LRP1B: variants seen among roughly 807,000 people sequenced by gnomAD.
LRP1B encodes the protein low-density lipoprotein receptor-related protein 1B.
A neutral mutation model predicts 556.6 loss-of-function variants in LRP1B; 217 were observed. The observed-to-expected ratio is 0.39, with a 90% CI of 0.35 to 0.44. LRP1B has a LOEUF of 0.44. Ranked by LOEUF, LRP1B falls within the 20% of genes least tolerant of loss-of-function variation. The pLI, the probability that LRP1B is intolerant of heterozygous loss-of-function variation, is 1.00. For synonymous variants in LRP1B, 2,047 were observed against 1,865.8 expected (o/e 1.10, Z -2.50); for missense variants, 5,053 against 5,620.8 (o/e 0.90, Z 3.23).
intron 1 of LRP1B, among the ~76,000 whole-genome samples, chr2:141,869,466 C>T (rs1253432643): frequency 6.6e-6 from 1 of 151,864 alleles, no homozygotes; most frequent in African/African-American, 2.4e-5. Flanking sequence ...AAAATTAAAT[C>T]GATACTAATA....
At chr2:140,293,587 C>T (rs80232813) in intron 84 of LRP1B, among the ~76,000 whole-genome samples, 3,102 of 152,200 alleles carry the variant, frequency 0.02, 38 homozygotes, top group African/African-American at 0.028. Context: ...CTGTAATGAA[C>T]CATTCTGTCA....
At chr2:141,991,151 C>A (rs796614886) in intron 1 of LRP1B, among the ~76,000 whole-genome samples, 10 of 152,102 alleles carry the variant, frequency 6.6e-5, no homozygotes, top group African/African-American at 2.4e-4. Flanking sequence ...CACATGAAAT[C>A]TTTTACTGTG....
chr2:140,911,529 G>C (rs1039606732), intron 21 of LRP1B, among the ~76,000 whole-genome samples: 1 of 151,750 alleles, frequency 6.6e-6, no homozygotes. Context: ...AAAATTATAT[G>C]TTGAATTTAC....
intron 1 of LRP1B, among the ~76,000 whole-genome samples, chr2:141,890,314 G>T (rs12995397): frequency 0.52 from 64,238 of 124,436 alleles, 15,337 homozygotes; most frequent in Middle Eastern, 0.59. Flanking sequence ...CACAGGTAAG[G>T]GCACAATACA....
chr2:142,034,451 A>G (rs1703807596), intron 1 of LRP1B, among the ~76,000 whole-genome samples: 1 of 151,620 alleles, frequency 6.6e-6, no homozygotes, highest in African/African-American at 2.4e-5. Context: ...CTCTGCACAT[A>G]ATGCCTTTTT....
chr2:140,484,365 C>A (rs960701119), intron 59 of LRP1B, among the ~76,000 whole-genome samples: 1 of 152,026 alleles, frequency 6.6e-6, no homozygotes, highest in East Asian at 1.9e-4. Context: ...GATACATTAA[C>A]GAGAAGCAAA....
chr2:140,359,677 C>T (rs1233566018), intron 72 of LRP1B, among the ~76,000 whole-genome samples: 10 of 151,526 alleles, frequency 6.6e-5, no homozygotes, highest in Non-Finnish European at 7.4e-5. Flanking sequence ...GAATTATTTG[C>T]TTAGTTATGT....
At chr2:142,045,250 T>C (rs1279343342) in intron 1 of LRP1B, among the ~76,000 whole-genome samples, 1 of 151,780 alleles carries the variant, frequency 6.6e-6, no homozygotes, top group African/African-American at 2.4e-5. Context: ...GATTGTCTTT[T>C]AGATTTCTAC....
intron 1 of LRP1B, among the ~76,000 whole-genome samples, chr2:142,058,336 C>A (rs1704756456): frequency 6.6e-6 from 1 of 152,046 alleles, no homozygotes; most frequent in African/African-American, 2.4e-5. Context: ...ACACTAATCC[C>A]ACATTCAACA....
At chr2:140,701,682 T>C in intron 40 of LRP1B, 39 bp downstream of exon 40, 1 of 1,559,900 alleles carries the variant, frequency 6.4e-7, no homozygotes, top group Non-Finnish European at 8.7e-7. Context: ...AGAAATCACA[T>C]AAAATATACA....
At position 140,700,305 on chromosome 2, in the gene LRP1B, A is replaced by G. The variant is rs759222183; in HGVS notation, c.6744T>C (p.Phe2248=). The change falls in exon 41 of 91, where the codon TTT becomes TTC. Residue 2248 remains phenylalanine, a synonymous_variant. Transcript: ENST00000389484. ...TGTCTTTAATAAGCTGTATATTTCCAAAGTGTGCATCACTGTAAAAGATTC... is the reference window on the plus strand; with the variant it reads ...TGTCTTTAATAAGCTGTATATTTCCGAAGTGTGCATCACTGTAAAAGATTC... ...TNRIFYSDAH[F]GNIQLIKDNW... The G allele has an allele frequency of 5.0e-6, 8 of 1,612,608 alleles. No homozygotes were observed. In the East Asian group the frequency reaches 1.1e-4, roughly 22 times the overall value.
At chr2:140,686,111 T>C (rs757370566) in intron 41 of LRP1B, among the ~76,000 whole-genome samples, 2 of 152,052 alleles carry the variant, frequency 1.3e-5, no homozygotes. Flanking sequence ...AGTAAACATG[T>C]GGTTAAGAAA....
intron 2 of LRP1B, among the ~76,000 whole-genome samples, chr2:141,556,827 G>C (rs150710146): frequency 0.011 from 1,648 of 151,856 alleles, 14 homozygotes; most frequent in Middle Eastern, 0.017. Context: ...CTGTTTTAGA[G>C]ATAAGAAAAG....
intron 1 of LRP1B, among the ~76,000 whole-genome samples, chr2:142,036,956 G>A (rs1703902399): frequency 6.6e-6 from 1 of 151,642 alleles, no homozygotes; most frequent in Non-Finnish European, 1.5e-5. Context: ...AAATTATAAG[G>A]ATGCATTGAT....
At chr2:141,700,208 A>T (rs1691890245) in intron 2 of LRP1B, among the ~76,000 whole-genome samples, 1 of 151,806 alleles carries the variant, frequency 6.6e-6, no homozygotes, top group African/African-American at 2.4e-5. Flanking sequence ...CTCTGGTAAG[A>T]TACCTTCGAC....
chr2:141,204,748 C>G (rs1457682291), intron 6 of LRP1B, among the ~76,000 whole-genome samples: 1 of 151,922 alleles, frequency 6.6e-6, no homozygotes, highest in African/African-American at 2.4e-5. Context: ...GACCAGCTGG[C>G]CAAGATGGTG....
At chr2:140,834,617 T>C (rs1047674443) in intron 31 of LRP1B, among the ~76,000 whole-genome samples, 21 of 152,328 alleles carry the variant, frequency 1.4e-4, no homozygotes, top group Middle Eastern at 3.4e-3. Flanking sequence ...TGTTCTCTTT[T>C]ACCACTGTCA....
chr2:140,829,055 A>G (rs572751676), intron 31 of LRP1B, among the ~76,000 whole-genome samples: 1 of 152,290 alleles, frequency 6.6e-6, no homozygotes, highest in South Asian at 2.1e-4. Flanking sequence ...ATAATAAAAA[A>G]GAGATTAATT....
At chr2:140,444,257 G>A in intron 65 of LRP1B, 73 bp downstream of exon 65, 1 of 1,515,438 alleles carries the variant, frequency 6.6e-7, no homozygotes, top group Non-Finnish European at 9.1e-7. Flanking sequence ...AATTTATGAA[G>A]TATAGTACTA....
Sources: allele counts gnomAD v4.1 joint callset (sites outside exome capture counted in the v4.1 genomes callset), GRCh38; gene constraint gnomAD v4.1.1; transcripts MANE v1.5; gene names NCBI Gene and HGNC (gene_info 2026-07-23, HGNC 2026-07-21).